CDK8: variants seen among roughly 807,000 people sequenced by gnomAD.
The protein encoded by CDK8 is cyclin-dependent kinase 8.
Under a neutral mutation model 71.5 loss-of-function variants are expected in CDK8, and 29 were observed. The ratio of observed to expected loss-of-function variants is 0.41; its 90% confidence interval spans 0.30 to 0.55. The LOEUF (loss-of-function observed/expected upper bound fraction) is 0.55, where lower values mean the gene tolerates loss of function less well. CDK8 is among the 20% of genes least tolerant of loss of function. The probability of loss-of-function intolerance (pLI) is 0.37; values close to 1 mark genes in which losing one functional copy is unlikely to be tolerated. For missense variants in CDK8, 288 were observed against 572.6 expected, an observed-to-expected ratio of 0.50 and a Z score of 5.07; for synonymous variants, 161 against 192.1, an observed-to-expected ratio of 0.84 and a Z score of 1.34.
At chr13:26,381,854 A>T (rs1218908094) in intron 4 of CDK8, among the ~76,000 whole-genome samples, 1 of 152,122 alleles carries the variant, frequency 6.6e-6, no homozygotes, top group Non-Finnish European at 1.5e-5. Flanking sequence ...ATCACTACAT[A>T]TGGTTAGAGA....
At chr13:26,345,741 A>G (rs1873437909) in intron 2 of CDK8, among the ~76,000 whole-genome samples, 1 of 152,200 alleles carries the variant, frequency 6.6e-6, no homozygotes, top group African/African-American at 2.4e-5. Flanking sequence ...TTTTATAAAG[A>G]AAGAAGTGAT....
At chr13:26,277,524 G>T (rs17083615) in intron 1 of CDK8, among the ~76,000 whole-genome samples, 9,786 of 152,180 alleles carry the variant, frequency 0.064, 1,027 homozygotes, top group African/African-American at 0.22. Flanking sequence ...AAGAACTAGA[G>T]CAGGTTTGGA....
intron 4 of CDK8, among the ~76,000 whole-genome samples, chr13:26,372,641 A>G (rs1874743942): frequency 6.6e-6 from 1 of 152,194 alleles, no homozygotes. Context: ...ATAATGCAGT[A>G]GTTAAGAGGG....
chr13:26,267,453 G>A (rs1215945144), intron 1 of CDK8, among the ~76,000 whole-genome samples: 1 of 152,008 alleles, frequency 6.6e-6, no homozygotes, highest in Non-Finnish European at 1.5e-5. Flanking sequence ...CACTTTTTAG[G>A]GATAATTATT....
intron 4 of CDK8, among the ~76,000 whole-genome samples, chr13:26,360,453 C>T (rs1874085050): frequency 1.3e-5 from 2 of 152,182 alleles, no homozygotes. Context: ...TGAATCCCCT[C>T]ATCCCTTCAT....
chr13:26,334,226 AGTG>A (rs1484456283), intron 1 of CDK8, among the ~76,000 whole-genome samples: 1 of 152,206 alleles, frequency 6.6e-6, no homozygotes, highest in Non-Finnish European at 1.5e-5. Flanking sequence ...AATAAGAGAA[AGTG>A]GTGGATATTA....
intron 6 of CDK8, among the ~76,000 whole-genome samples, chr13:26,387,984 T>C (rs979600122): frequency 1.3e-5 from 2 of 152,302 alleles, no homozygotes; most frequent in East Asian, 3.9e-4. Flanking sequence ...GAGAACTCAG[T>C]TTTCTTTGTT....
At chr13:26,380,589 T>G (rs888187508) in intron 4 of CDK8, among the ~76,000 whole-genome samples, 4 of 151,766 alleles carry the variant, frequency 2.6e-5, no homozygotes, top group Admixed American at 2.6e-4. Context: ...GCTCAAGCAA[T>G]CCTCTCACCT....
At chr13:26,386,670 T>C (rs1000597473) in intron 6 of CDK8, among the ~76,000 whole-genome samples, 9 of 152,246 alleles carry the variant, frequency 5.9e-5, no homozygotes, top group Non-Finnish European at 1.2e-4. Context: ...TTTCTAGTTC[T>C]TGTATTTCTG....
intron 1 of CDK8, among the ~76,000 whole-genome samples, chr13:26,285,431 A>G (rs9581621): frequency 0.028 from 4,322 of 152,230 alleles, 194 homozygotes; most frequent in African/African-American, 0.099. Context: ...ATAGTTGCAG[A>G]AAAAGCATTT....
intron 1 of CDK8, among the ~76,000 whole-genome samples, chr13:26,257,914 G>A (rs1313340986): frequency 7.2e-6 from 1 of 139,820 alleles, no homozygotes; most frequent in Non-Finnish European, 1.5e-5. Context: ...GTGTGTGTGT[G>A]TGTGTGTGAG....
At chr13:26,258,345 G>C (rs537342855) in intron 1 of CDK8, among the ~76,000 whole-genome samples, 11 of 151,990 alleles carry the variant, frequency 7.2e-5, no homozygotes, top group Admixed American at 6.6e-4. Flanking sequence ...ATACCTTGTA[G>C]AACTATTAAT....
At chr13:26,307,375 G>A (rs1444349100) in intron 1 of CDK8, among the ~76,000 whole-genome samples, 1 of 152,178 alleles carries the variant, frequency 6.6e-6, no homozygotes, top group Non-Finnish European at 1.5e-5. Flanking sequence ...CAAGGTCAGT[G>A]TGATATTATG....
At chr13:26,263,627 A>T (rs537541129) in intron 1 of CDK8, among the ~76,000 whole-genome samples, 4 of 149,696 alleles carry the variant, frequency 2.7e-5, no homozygotes, top group African/African-American at 7.4e-5. Flanking sequence ...TTTAGTAGAG[A>T]TGGGGTTTCA....
chr13:26,267,094 A>G (rs1289318164), intron 1 of CDK8, among the ~76,000 whole-genome samples: 3 of 152,230 alleles, frequency 2.0e-5, no homozygotes, highest in Non-Finnish European at 4.4e-5. Flanking sequence ...TGGTAAACGT[A>G]GCTCTAAATC....
rs796632563 is a variant in CDK8, at chr13:26,405,172, TA to T, written c.*1097del. On this transcript the variant is annotated 3_prime_UTR_variant, in exon 13 of 13. Coordinates refer to ENST00000381527, the MANE Select transcript of CDK8 (RefSeq NM_001260.3). ...ACATGAATGACACAAGTATTCTGAA[TA>T]AAAAATAATTGAACATTGTTAAAAA... 5.7e-6 allele frequency: 1 copy of T among 176,354 alleles called. No individual in the cohort carries two copies. The highest frequency in any genetic ancestry group is 1.2e-5 in the Non-Finnish European group (1 of 82,024). The allele number at this position is 176,354 out of a possible 1,614,324, so 10.9% of individuals were successfully genotyped here.
intron 4 of CDK8, among the ~76,000 whole-genome samples, chr13:26,377,265 G>C (rs141117782): frequency 6.6e-6 from 1 of 152,336 alleles, no homozygotes; most frequent in Non-Finnish European, 1.5e-5. Context: ...AGTCCTGAAG[G>C]CACTCTGTTC....
At position 26,290,952 on chromosome 13, in the gene CDK8, T is replaced by TA. The variant is rs561129778; in HGVS notation, c.128+36192dup. On this transcript the variant is annotated intron_variant, in intron 1 of 12. Coordinates refer to ENST00000381527, the MANE Select transcript of CDK8 (RefSeq NM_001260.3). ...CAACATGGTGAAACCCTGTCTGTAC[T>TA]AAAAAAAAATATAAAAATTAGCTGG... Among the ~76,000 whole-genome samples the TA allele has an allele frequency of 6.7e-3, 1,013 of 150,458 alleles. 9 individuals carry two copies. The highest frequency in any genetic ancestry group is 0.011 in the Non-Finnish European group (772 of 67,448).
intron 1 of CDK8, among the ~76,000 whole-genome samples, chr13:26,287,541 T>A (rs577713776): frequency 1.4e-4 from 22 of 151,848 alleles, no homozygotes; most frequent in Admixed American, 1.2e-3. Context: ...GGCATAAGAG[T>A]GATATAATGG....
Sources: gnomAD v4.1 joint callset for allele counts (sites outside exome capture counted in the v4.1 genomes callset) on GRCh38, gnomAD v4.1.1 for gene constraint, MANE v1.5 for transcripts, NCBI Gene and HGNC (gene_info 2026-07-23, HGNC 2026-07-21) for gene names.